ARHGAP29: variants seen among roughly 807,000 people sequenced by gnomAD.
ARHGAP29 encodes the protein Rho GTPase activating protein 29.
Under a neutral mutation model 122.6 loss-of-function variants are expected in ARHGAP29, and 43 were observed. The observed-to-expected ratio is 0.35, with a 90% CI of 0.27 to 0.45. The LOEUF is 0.45. Ranked by LOEUF, ARHGAP29 falls within the 20% of genes least tolerant of loss-of-function variation. ARHGAP29 has a pLI of 1.00. For synonymous variants in ARHGAP29, 506 were observed against 497.1 expected, an observed-to-expected ratio of 1.02 and a Z score of -0.24; for missense variants, 1,303 against 1,477.2, an observed-to-expected ratio of 0.88 and a Z score of 1.93.
chr1:94,203,287 A>G (rs1414267045), intron 8 of ARHGAP29, 77 bp from the exon 9 acceptor site: 2 of 1,004,076 alleles, frequency 2.0e-6, no homozygotes, highest in East Asian at 5.4e-5. Context: ...ACCCTTCTTC[A>G]AAAAGGGAAA....
intron 17 of ARHGAP29, 106 bp from the exon 18 acceptor site, chr1:94,185,166 C>T (rs1570497442): frequency 8.1e-7 from 1 of 1,236,938 alleles, no homozygotes; most frequent in Non-Finnish European, 1.1e-6. Flanking sequence ...AGAGGTATTA[C>T]TTGCGCTATT....
upstream of ARHGAP29, among the ~76,000 whole-genome samples, chr1:94,278,512 C>T (rs568084264): frequency 6.6e-6 from 1 of 152,206 alleles, no homozygotes; most frequent in East Asian, 1.9e-4. Flanking sequence ...CCCAGAGATA[C>T]TCAGTGATTT....
chr1:94,227,942 A>T (rs927475643), intron 2 of ARHGAP29, among the ~76,000 whole-genome samples: 1 of 151,772 alleles, frequency 6.6e-6, no homozygotes, highest in African/African-American at 2.4e-5. Flanking sequence ...ATGACACTGG[A>T]TAAAAAAACT....
At chr1:94,177,589 T>A in intron 22 of ARHGAP29, 23 bp downstream of exon 22, 1 of 1,545,852 alleles carries the variant, frequency 6.5e-7, no homozygotes, top group Non-Finnish European at 8.8e-7. Flanking sequence ...GCAAACATAT[T>A]TTTTTTTTAC....
intron 1 of ARHGAP29, among the ~76,000 whole-genome samples, chr1:94,243,827 T>C (rs1481942125): frequency 2.0e-5 from 3 of 151,896 alleles, no homozygotes; most frequent in Admixed American, 1.3e-4. Context: ...ATCACTAATA[T>C]GAATGGAAGA....
At chr1:94,279,778 G>A (rs1003652492), upstream of ARHGAP29, among the ~76,000 whole-genome samples, 2 of 152,178 alleles carry the variant, frequency 1.3e-5, no homozygotes, top group Non-Finnish European at 2.9e-5. Context: ...CCCTTTAGGG[G>A]TTTGACTTGG....
chr1:94,258,245 G>C (rs1023936906), intron 1 of ARHGAP29, among the ~76,000 whole-genome samples: 2 of 152,180 alleles, frequency 1.3e-5, no homozygotes, highest in Non-Finnish European at 2.9e-5. Flanking sequence ...ACTCTCAGAA[G>C]TGTGCCAATT....
chr1:94,217,767 T>C (rs1356841020), intron 3 of ARHGAP29, among the ~76,000 whole-genome samples: 5 of 152,010 alleles, frequency 3.3e-5, no homozygotes, highest in Admixed American at 3.3e-4. Context: ...GAGGATTGCT[T>C]GCGTTCCGGA....
intron 1 of ARHGAP29, among the ~76,000 whole-genome samples, chr1:94,256,248 T>G (rs533226231): frequency 6.6e-5 from 8 of 121,814 alleles, no homozygotes; most frequent in Non-Finnish European, 1.2e-4. Context: ...ATAATCCATT[T>G]TAATCAAGGA....
At chr1:94,225,853 T>C (rs1174985725) in intron 2 of ARHGAP29, among the ~76,000 whole-genome samples, 2 of 152,042 alleles carry the variant, frequency 1.3e-5, no homozygotes, top group Non-Finnish European at 2.9e-5. Context: ...GTAAAACTCC[T>C]GTATCCCAAT....
intron 1 of ARHGAP29, among the ~76,000 whole-genome samples, chr1:94,274,053 C>T (rs535525791): frequency 6.6e-6 from 1 of 152,264 alleles, no homozygotes; most frequent in South Asian, 2.1e-4. Flanking sequence ...TCATTATTAT[C>T]CCCACTATCC....
chr1:94,202,766 A>G, intron 10 of ARHGAP29, 34 bp from the exon 11 acceptor site: 1 of 1,595,960 alleles, frequency 6.3e-7, no homozygotes, highest in Non-Finnish European at 8.5e-7. Context: ...ACAGAATATG[A>G]AAGAAATCCT....
intron 1 of ARHGAP29, among the ~76,000 whole-genome samples, chr1:94,271,933 G>A (rs191800851): frequency 6.6e-6 from 1 of 152,306 alleles, no homozygotes; most frequent in East Asian, 1.9e-4. Context: ...GGTAAGAAGT[G>A]CCCCCATCTT....
chr1:94,211,606 T>C (rs1250682569), intron 3 of ARHGAP29, among the ~76,000 whole-genome samples: 1 of 152,156 alleles, frequency 6.6e-6, no homozygotes, highest in Non-Finnish European at 1.5e-5. Context: ...TTATGGGCCA[T>C]AAAACAAGTC....
intron 4 of ARHGAP29, 56 bp from the exon 5 acceptor site, chr1:94,208,960 G>T: frequency 6.8e-7 from 1 of 1,460,382 alleles, no homozygotes; most frequent in Non-Finnish European, 9.5e-7. Context: ...TTGTGACAGG[G>T]TTTACATTCA....
chr1:94,185,845 A>G (rs569620937), intron 16 of ARHGAP29, among the ~76,000 whole-genome samples: 1 of 152,274 alleles, frequency 6.6e-6, no homozygotes, highest in African/African-American at 2.4e-5. Flanking sequence ...AAACAAAGAA[A>G]AATAGCTGTA....
chr1:94,282,040 T>C, the ARHGAP29 span, among the ~76,000 whole-genome samples: 1 of 152,098 alleles, frequency 6.6e-6, no homozygotes, highest in African/African-American at 2.4e-5. Context: ...TCTCTCCATA[T>C]TCCTTGAAGT....
At chr1:94,282,413 G>A in the ARHGAP29 span, among the ~76,000 whole-genome samples, 2 of 151,796 alleles carry the variant, frequency 1.3e-5, no homozygotes, top group East Asian at 3.9e-4. Flanking sequence ...AGTCTCCCAG[G>A]CAGCTAGGAC....
At chr1:94,285,699 A>G in the ARHGAP29 span, among the ~76,000 whole-genome samples, 1 of 151,976 alleles carries the variant, frequency 6.6e-6, no homozygotes, top group African/African-American at 2.4e-5. Context: ...ACATGGTGAA[A>G]CCCAGTCTCT....
Sources: allele counts gnomAD v4.1 joint callset (sites outside exome capture counted in the v4.1 genomes callset), GRCh38; gene constraint gnomAD v4.1.1; transcripts MANE v1.5; gene names NCBI Gene and HGNC (gene_info 2026-07-23, HGNC 2026-07-21).